Variants in SKAP2 observed in about 807,000 individuals in gnomAD.
SKAP2 encodes the protein src kinase-associated phosphoprotein 2.
SKAP2 carries 28 observed loss-of-function variants against 54.9 expected under a neutral mutation model. That is an observed-to-expected ratio of 0.51 (90% confidence interval 0.38 to 0.70). The LOEUF is 0.70. SKAP2 is among the 30% of genes least tolerant of loss of function. The pLI is 0.00. For missense variants in SKAP2, 356 were observed against 424.1 expected, an observed-to-expected ratio of 0.84 and a Z score of 1.41; for synonymous variants, 137 against 134.3, an observed-to-expected ratio of 1.02 and a Z score of -0.14.
intron 4 of SKAP2, among the ~76,000 whole-genome samples, chr7:26,763,267 A>G (rs1782972506): frequency 1.3e-5 from 2 of 152,184 alleles, no homozygotes; most frequent in Non-Finnish European, 2.9e-5. Flanking sequence ...AAGTGCTCAC[A>G]TTGAAAATGA....
At chr7:26,831,321 A>G (rs1281450985) in intron 4 of SKAP2, among the ~76,000 whole-genome samples, 4 of 152,188 alleles carry the variant, frequency 2.6e-5, no homozygotes, top group Admixed American at 2.0e-4. Flanking sequence ...GGCATGATAT[A>G]TTTGCTATAG....
chr7:26,739,623 CTT>C (rs1782386459), intron 5 of SKAP2, among the ~76,000 whole-genome samples: 1 of 152,178 alleles, frequency 6.6e-6, no homozygotes, highest in Non-Finnish European at 1.5e-5. Flanking sequence ...TGCAGCTTTC[CTT>C]TGAGAGGCAG....
chr7:26,718,433 T>G (rs1002845316), intron 9 of SKAP2, among the ~76,000 whole-genome samples: 3 of 152,072 alleles, frequency 2.0e-5, no homozygotes, highest in African/African-American at 7.2e-5. Flanking sequence ...ACAAAAAGAT[T>G]CACATCAAAC....
intron 9 of SKAP2, among the ~76,000 whole-genome samples, chr7:26,703,456 T>A (rs536352485): frequency 6.6e-6 from 1 of 152,284 alleles, no homozygotes; most frequent in East Asian, 1.9e-4. Context: ...ATTAATTATA[T>A]AATGGAATTA....
intron 12 of SKAP2, 77 bp downstream of exon 12, chr7:26,670,014 A>T: frequency 1.7e-6 from 1 of 585,984 alleles, no homozygotes; most frequent in Non-Finnish European, 3.1e-6. Context: ...AAGACTTTTA[A>T]AAAGGCAAAG....
At chr7:26,710,310 T>G (rs1283423164) in intron 9 of SKAP2, among the ~76,000 whole-genome samples, 1 of 152,144 alleles carries the variant, frequency 6.6e-6, no homozygotes, top group African/African-American at 2.4e-5. Flanking sequence ...GTGTTAAGAT[T>G]TACAGAATAG....
chr7:26,758,202 A>AT lies in SKAP2; in HGVS notation c.308-18239dup, dbSNP rs891566700. Among the ~76,000 whole-genome samples, 22 of 150,624 alleles carry AT rather than the reference A, an allele frequency of 1.5e-4. No homozygotes were observed. In the South Asian group the frequency reaches 3.8e-3, roughly 26 times the overall value. On this transcript the variant is annotated intron_variant, in intron 4 of 12. Transcript: ENST00000345317. ...TTCTTACTTCTAGGGAGTGTAGGGAATTTTTTTTTTCCTTTTGCAGAGAGG... is the reference window on the plus strand; with the variant it reads ...TTCTTACTTCTAGGGAGTGTAGGGAATTTTTTTTTTTCCTTTTGCAGAGAGG...
In SKAP2 at chr7:26,864,345, C is replaced by T. The variant is rs1357127296; in HGVS notation, c.67+18G>A. 3 of 1,613,790 alleles carry T rather than the reference C, an allele frequency of 1.9e-6. No individual in the cohort carries two copies. On this transcript the variant is annotated intron_variant, in intron 1 of 12. Coordinates refer to ENST00000345317, the MANE Select transcript of SKAP2 (RefSeq NM_003930.5). ...GCCCCCGCCCCGACAGCATTATCGC[C>T]GCCTTCCCGCTCTTTACCTGCCAAC...
intron 4 of SKAP2, among the ~76,000 whole-genome samples, chr7:26,795,493 C>CT (rs775683061): frequency 7.5e-4 from 114 of 152,220 alleles, no homozygotes; most frequent in Admixed American, 2.1e-3. Flanking sequence ...ATTTTGATAA[C>CT]TTTAGAAGCA....
chr7:26,767,460 C>A (rs960565878), intron 4 of SKAP2, among the ~76,000 whole-genome samples: 6 of 152,148 alleles, frequency 3.9e-5, no homozygotes, highest in Non-Finnish European at 8.8e-5. Flanking sequence ...GTGTCTCTAT[C>A]TCCTTCCGTT....
At chr7:26,861,615 C>CTTT (rs34331819) in intron 1 of SKAP2, among the ~76,000 whole-genome samples, 8 of 116,124 alleles carry the variant, frequency 6.9e-5, no homozygotes, top group East Asian at 2.5e-4. Flanking sequence ...ATAACAACCT[C>CTTT]TTTTTTTTTT....
chr7:26,752,417 G>C (rs1664211197), intron 4 of SKAP2, among the ~76,000 whole-genome samples: 1 of 152,128 alleles, frequency 6.6e-6, no homozygotes. Flanking sequence ...TAATGCCAAA[G>C]TGAAATTCAG....
At chr7:26,740,151 TAAAAA>T (rs60264987) in intron 4 of SKAP2, among the ~76,000 whole-genome samples, 187 bp from the exon 5 acceptor site, 4 of 129,850 alleles carry the variant, frequency 3.1e-5, no homozygotes, top group Admixed American at 7.6e-5. Flanking sequence ...GTCTCAAAAG[TAAAAA>T]AAAAAAAAAA....
intron 1 of SKAP2, among the ~76,000 whole-genome samples, chr7:26,861,316 C>A (rs889347838): frequency 1.3e-5 from 2 of 151,834 alleles, no homozygotes; most frequent in Admixed American, 1.3e-4. Context: ...ATTAAATGGA[C>A]AAGATTTGGG....
intron 4 of SKAP2, among the ~76,000 whole-genome samples, chr7:26,751,649 C>T (rs1363795513): frequency 6.6e-6 from 1 of 152,154 alleles, no homozygotes; most frequent in African/African-American, 2.4e-5. Context: ...TCTCCCCTCT[C>T]TCTTACAGAC....
intron 4 of SKAP2, among the ~76,000 whole-genome samples, chr7:26,790,787 T>C (rs1376751132): frequency 6.6e-6 from 1 of 152,212 alleles, no homozygotes; most frequent in Non-Finnish European, 1.5e-5. Flanking sequence ...TTCAAAACAA[T>C]GCTAATCCAA....
At chr7:26,766,697 A>G (rs182502622) in intron 4 of SKAP2, among the ~76,000 whole-genome samples, 1 of 151,952 alleles carries the variant, frequency 6.6e-6, no homozygotes, top group Non-Finnish European at 1.5e-5. Flanking sequence ...GTTTTTATTG[A>G]AGGCCTTTTC....
chr7:26,695,460 T>C (rs1786874360), intron 9 of SKAP2, among the ~76,000 whole-genome samples: 1 of 152,236 alleles, frequency 6.6e-6, no homozygotes, highest in Admixed American at 6.5e-5. Flanking sequence ...TTTATGGAGC[T>C]TGAATAACTT....
At chr7:26,847,090 T>A (rs1332943481) in intron 3 of SKAP2, among the ~76,000 whole-genome samples, 1 of 148,390 alleles carries the variant, frequency 6.7e-6, no homozygotes, top group African/African-American at 2.5e-5. Flanking sequence ...ACTGCAAGTA[T>A]TTTTTTTTTT....
Sources: gnomAD v4.1 joint callset for allele counts (sites outside exome capture counted in the v4.1 genomes callset) on GRCh38, gnomAD v4.1.1 for gene constraint, MANE v1.5 for transcripts, NCBI Gene and HGNC (gene_info 2026-07-23, HGNC 2026-07-21) for gene names.